The following BACE2 variants were observed in gnomAD, a reference collection of about 807,000 sequenced individuals.
BACE2 encodes the protein beta-secretase 2.
Under a neutral mutation model 46.2 loss-of-function variants are expected in BACE2, and 17 were observed. That is an observed-to-expected ratio of 0.37 (90% CI 0.25 to 0.55). The LOEUF (loss-of-function observed/expected upper bound fraction) is 0.55, where lower values mean the gene tolerates loss of function less well. Ranked by LOEUF, BACE2 falls within the 20% of genes least tolerant of loss-of-function variation. BACE2 has a pLI of 0.82. For missense variants in BACE2, 595 were observed against 698.1 expected, an observed-to-expected ratio of 0.85 and a Z score of 1.66; for synonymous variants, 277 against 295.9, an observed-to-expected ratio of 0.94 and a Z score of 0.66.
intron 1 of BACE2, chr21:41,179,276 A>T: frequency 1.6e-6 from 2 of 1,259,478 alleles, no homozygotes; most frequent in Non-Finnish European, 2.1e-6. Flanking sequence ...GTGAGGAGTG[A>T]GGGAGTCCAG....
intron 1 of BACE2, chr21:41,186,625 G>C (rs1445420764): frequency 1.3e-5 from 2 of 152,308 alleles, no homozygotes; most frequent in African/African-American, 4.8e-5. Flanking sequence ...CAAGCCCCAA[G>C]ACTGGGGCTT....
At chr21:41,222,852 GA>G (rs1288884138) in intron 1 of BACE2, among the ~76,000 whole-genome samples, 5 of 152,168 alleles carry the variant, frequency 3.3e-5, no homozygotes, top group African/African-American at 1.2e-4. Flanking sequence ...TGTGGGCCAT[GA>G]GGGGAAGGAA....
At position 41,280,933 on chromosome 21, in the gene BACE2, A is replaced by C. The variant is rs958851923; in HGVS notation, c.*5309A>C. 8 of 152,270 alleles carry C rather than the reference A, an allele frequency of 5.3e-5. No homozygotes were observed. 9.4% of individuals were successfully genotyped at this position (152,270 alleles called of 1,614,324 possible). A position where few individuals can be genotyped will look rare whatever the true frequency, so the allele number is the denominator to read the frequency against. On this transcript the variant is annotated 3_prime_UTR_variant, in exon 9 of 9. Coordinates refer to ENST00000330333, the MANE Select transcript of BACE2 (RefSeq NM_012105.5). ...GGTAGTGACTGGGCCAAGAGACATC[A>C]CAAAGCTTCCTGATAAATTTGAATC...
intron 8 of BACE2, among the ~76,000 whole-genome samples, chr21:41,260,932 T>G (rs1037911358): frequency 6.6e-6 from 1 of 152,216 alleles, no homozygotes; most frequent in Non-Finnish European, 1.5e-5. Context: ...TGTGGTAGTG[T>G]GTATCCTTTG....
At chr21:41,248,780 T>C (rs1249662453) in intron 6 of BACE2, among the ~76,000 whole-genome samples, 4 of 152,216 alleles carry the variant, frequency 2.6e-5, no homozygotes, top group Non-Finnish European at 5.9e-5. Flanking sequence ...ACCCCTGATA[T>C]TCAGTGCGTG....
In BACE2 at chr21:41,250,758, G is replaced by A. The variant is rs1987614476; in HGVS notation, c.991G>A (p.Glu331Lys). 6.2e-7 allele frequency: 1 copy of A among 1,613,952 alleles called. No homozygotes were observed. The highest frequency in any genetic ancestry group is 8.5e-7 in the Non-Finnish European group (1 of 1,179,998). The change falls in exon 7 of 9, where the codon GAA becomes AAA. Residue 331 changes from glutamate (E) to lysine (K), a missense_variant. Around this residue, in one of 3 missense-constraint regions of BACE2, gnomAD observed 343 missense variants for 419.4 expected, o/e 0.82. Coordinates refer to ENST00000330333, the MANE Select transcript of BACE2 (RefSeq NM_012105.5). ...GTGATCTTGTTTTGTCTAGATTCCA[G>A]AATTCTCTGATGGTTTCTGGACTGG... ...EAVARASLIP[E>K]FSDGFWTGSQ...
intron 3 of BACE2, among the ~76,000 whole-genome samples, chr21:41,238,994 G>T (rs1180196726): frequency 2.1e-5 from 3 of 142,264 alleles, no homozygotes; most frequent in African/African-American, 5.2e-5. Flanking sequence ...TGCAGAAGGA[G>T]ACCAGCTCTC....
intron 1 of BACE2, among the ~76,000 whole-genome samples, chr21:41,224,324 C>T (rs539466738): frequency 2.7e-5 from 4 of 146,308 alleles, no homozygotes; most frequent in African/African-American, 1.0e-4. Flanking sequence ...AAGCAATTCT[C>T]CTGCCTCAGC....
intron 4 of BACE2, among the ~76,000 whole-genome samples, chr21:41,243,133 C>T (rs576990686): frequency 1.3e-5 from 2 of 152,210 alleles, no homozygotes; most frequent in South Asian, 2.1e-4. Context: ...AGGCCGTTCT[C>T]GAACTCCTGA....
intron 4 of BACE2, among the ~76,000 whole-genome samples, 179 bp from the exon 5 acceptor site, chr21:41,243,197 C>A (rs1233239365): frequency 6.6e-6 from 1 of 152,226 alleles, no homozygotes; most frequent in African/African-American, 2.4e-5. Flanking sequence ...CAAGCGTGAG[C>A]CACCGCGCCT....
chr21:41,199,941 AATG>A (rs1265871216), intron 1 of BACE2, among the ~76,000 whole-genome samples: 1 of 151,432 alleles, frequency 6.6e-6, no homozygotes, highest in African/African-American at 2.4e-5. Flanking sequence ...GTTTGCTGAG[AATG>A]ATGGTTTCCA....
intron 2 of BACE2, among the ~76,000 whole-genome samples, chr21:41,233,770 G>T (rs988221475): frequency 6.6e-6 from 1 of 152,204 alleles, no homozygotes; most frequent in Non-Finnish European, 1.5e-5. Context: ...AGACCAGCCT[G>T]ACCAACATAG....
Position 41,250,898 on chromosome 21 carries a change from TC to T in BACE2, c.1132del (p.Gln378SerfsTer7), listed in dbSNP as rs1270509897. On this transcript the variant is annotated frameshift_variant and splice_region_variant, in exon 7 of 9. Coordinates refer to ENST00000330333, the MANE Select transcript of BACE2 (RefSeq NM_012105.5). LOFTEE classifies it high-confidence loss of function. ...GGTCATTCCGTATCACAATCCTGCCTCAGGTATGAACTTGGATTTGTGCTTT... is the reference window on the plus strand; with the variant it reads ...GGTCATTCCGTATCACAATCCTGCCTAGGTATGAACTTGGATTTGTGCTTT... ...SRSFRITILP[Q>X]LYIQPMMGAG... is the part of the protein sequence containing the mutation. 6.2e-7 allele frequency: 1 copy of T among 1,614,050 alleles called. No homozygotes were observed. Among genetic ancestry groups the T allele is most frequent in the Admixed American group, 1.7e-5 (1 of 60,008 alleles).
intron 1 of BACE2, among the ~76,000 whole-genome samples, chr21:41,222,242 G>T (rs930472274): frequency 1.3e-5 from 2 of 152,206 alleles, no homozygotes; most frequent in African/African-American, 4.8e-5. Flanking sequence ...CACTGCAGGC[G>T]GTGTTCAGTG....
chr21:41,209,660 G>C (rs1287804153), intron 1 of BACE2, among the ~76,000 whole-genome samples: 3 of 152,188 alleles, frequency 2.0e-5, no homozygotes, highest in African/African-American at 7.2e-5. Flanking sequence ...CCAGGGTACA[G>C]ACAAGGGGGC....
chr21:41,257,147 C>T lies in BACE2; in HGVS notation c.1135-11C>T. The T allele has an allele frequency of 1.9e-6, 3 of 1,614,168 alleles. No individual in the cohort carries two copies. The highest frequency in any genetic ancestry group is 2.5e-6 in the Non-Finnish European group (3 of 1,180,010). ...TTCTTGTTTGTTTGCTCTCTCCTCT[C>T]CGACAAACAGCTTTACATTCAGCCC... On this transcript the variant is annotated splice_polypyrimidine_tract_variant and intron_variant, in intron 7 of 8. Transcript: ENST00000330333.
chr21:41,221,828 A>G (rs1447733248), intron 1 of BACE2, among the ~76,000 whole-genome samples: 1 of 51,262 alleles, frequency 2.0e-5, no homozygotes, highest in Admixed American at 1.5e-4. Flanking sequence ...ACTCTGTCTC[A>G]AAAAAAAAAA....
intron 8 of BACE2, among the ~76,000 whole-genome samples, chr21:41,273,942 C>T (rs1170549053): frequency 2.0e-5 from 3 of 152,202 alleles, no homozygotes; most frequent in Non-Finnish European, 4.4e-5. Flanking sequence ...CCTGACTTCC[C>T]GCAACAGAAA....
At chr21:41,227,291 T>A (rs17000688) in intron 2 of BACE2, among the ~76,000 whole-genome samples, 21,737 of 152,202 alleles carry the variant, frequency 0.14, 2,224 homozygotes, top group African/African-American at 0.28. Flanking sequence ...GTCATGAACC[T>A]TCTAGAGGCT....
Sources: allele counts gnomAD v4.1 joint callset (sites outside exome capture counted in the v4.1 genomes callset), GRCh38; gene constraint gnomAD v4.1.1; regional missense constraint gnomAD v4.1.1; transcripts MANE v1.5; gene names NCBI Gene and HGNC (gene_info 2026-07-23, HGNC 2026-07-21).